The following EML4 variants were observed in gnomAD, a reference collection of about 807,000 sequenced individuals.
The protein encoded by EML4 is EMAP like 4.
Under a neutral mutation model 129.0 loss-of-function variants are expected in EML4, and 72 were observed. The observed-to-expected ratio is 0.56, with a 90% CI of 0.46 to 0.68. EML4 has a LOEUF of 0.68. EML4 is among the 30% of genes least tolerant of loss of function. The pLI is 0.00. For synonymous variants in EML4, 532 were observed against 405.0 expected (o/e 1.31, Z -3.77); for missense variants, 1,363 against 1,190.6 (o/e 1.14, Z -2.13).
intron 17 of EML4, among the ~76,000 whole-genome samples, chr2:42,307,765 A>T (rs1286116035): frequency 1.3e-5 from 2 of 152,162 alleles, no homozygotes; most frequent in African/African-American, 4.8e-5. Context: ...GCGATTCTTT[A>T]GCCTCAAGCC....
chr2:42,298,898 C>T (rs1025607676), intron 13 of EML4, among the ~76,000 whole-genome samples: 1 of 152,132 alleles, frequency 6.6e-6, no homozygotes, highest in African/African-American at 2.4e-5. Context: ...GTTAGTTTGA[C>T]CATGCACAGG....
chr2:42,179,280 A>G (rs1163171925), intron 1 of EML4, among the ~76,000 whole-genome samples: 39 of 129,342 alleles, frequency 3.0e-4, no homozygotes, highest in African/African-American at 1.1e-3. Flanking sequence ...TTTTTTTTTT[A>G]ATATTATAAA....
intron 1 of EML4, among the ~76,000 whole-genome samples, chr2:42,171,956 A>C (rs1473654787): frequency 6.6e-6 from 1 of 152,148 alleles, no homozygotes. Flanking sequence ...TGTTCTCTGC[A>C]GTTAATTAGC....
At chr2:42,258,408 TA>T (rs1278763629) in intron 3 of EML4, among the ~76,000 whole-genome samples, 19 of 151,890 alleles carry the variant, frequency 1.3e-4, no homozygotes, top group East Asian at 7.7e-4. Flanking sequence ...TATATATATA[TA>T]TATTTTTTGA....
chr2:42,281,037 G>A (rs912337933), intron 7 of EML4, 64 bp downstream of exon 7: 13 of 1,246,514 alleles, frequency 1.0e-5, no homozygotes, highest in Admixed American at 5.3e-5. Context: ...ATCAGTTAAC[G>A]TATTCTCTGT....
At position 42,245,094 on chromosome 2, in the gene EML4, CTTTTTTTT is replaced by C. The variant is rs56808218; in HGVS notation, c.26-400_26-393del. Among the ~76,000 whole-genome samples the C allele has an allele frequency of 6.0e-5, 4 of 66,562 alleles. 1 individual carries two copies. Among genetic ancestry groups the C allele is most frequent in the African/African-American group, 2.6e-4 (4 of 15,486 alleles). 43.7% of individuals were successfully genotyped at this position (66,562 alleles called of 152,430 possible). On this transcript the variant is annotated intron_variant, in intron 1 of 22. Transcript: ENST00000318522. The stretch of plus-strand genomic sequence containing the variant: ...AGTTTTTTGTTTTGAAATTTTCTTT[CTTTTTTTT>C]TTTTTTTTTTGAGACAGACTCTTGC...
intron 1 of EML4, among the ~76,000 whole-genome samples, chr2:42,178,755 C>A (rs1008979425): frequency 6.6e-6 from 1 of 152,032 alleles, no homozygotes; most frequent in Non-Finnish European, 1.5e-5. Context: ...ACATTTTTTC[C>A]CCAGGAAGCT....
At chr2:42,259,729 T>TC (rs1665596463) in intron 3 of EML4, among the ~76,000 whole-genome samples, 1 of 123,732 alleles carries the variant, frequency 8.1e-6, no homozygotes, top group African/African-American at 3.0e-5. Flanking sequence ...TTTCTTTTTT[T>TC]TTTTTTTTTT....
chr2:42,254,451 C>G (rs1286442603), intron 2 of EML4, among the ~76,000 whole-genome samples: 2 of 145,104 alleles, frequency 1.4e-5, no homozygotes, highest in Non-Finnish European at 3.0e-5. Context: ...GAGCAAGACT[C>G]TGTCTCAAAA....
intron 1 of EML4, among the ~76,000 whole-genome samples, chr2:42,196,597 G>A (rs1261355684): frequency 6.6e-6 from 1 of 152,182 alleles, no homozygotes; most frequent in Non-Finnish European, 1.5e-5. Context: ...GGCAGCTGGC[G>A]AGAAGATTAG....
At chr2:42,269,806 T>C (rs1277045481) in intron 6 of EML4, among the ~76,000 whole-genome samples, 5 of 152,206 alleles carry the variant, frequency 3.3e-5, no homozygotes, top group Admixed American at 1.3e-4. Context: ...TTGTATTATT[T>C]AGCAATTACA....
chr2:42,261,274 G>A lies in EML4; in HGVS notation c.492G>A (p.Lys164=). Reference sequence around the variant, plus strand: ...TACACAGACAAACTCCAGAAAGCAAGAATGCTACTCCCACCAAAAGGTTTT... The same window carrying A: ...TACACAGACAAACTCCAGAAAGCAAAAATGCTACTCCCACCAAAAGGTTTT... The part of the protein sequence containing the change: ...LQIHRQTPES[K]NATPTKSIKR... Residue 164 remains lysine (K), a synonymous_variant, in exon 4 of 23, where the codon AAG becomes AAA. Transcript: ENST00000318522. 6.2e-7 allele frequency: 1 copy of A among 1,613,534 alleles called. No homozygotes were observed. The highest frequency in any genetic ancestry group is 8.5e-7 in the Non-Finnish European group (1 of 1,179,678).
chr2:42,272,907 C>A (rs983187090), intron 6 of EML4, among the ~76,000 whole-genome samples: 3 of 152,124 alleles, frequency 2.0e-5, no homozygotes, highest in African/African-American at 7.2e-5. Flanking sequence ...ATTGGACAGC[C>A]TTCAAACATA....
chr2:42,258,405 A>G (rs1217849404), intron 3 of EML4, among the ~76,000 whole-genome samples: 2 of 151,536 alleles, frequency 1.3e-5, no homozygotes, highest in East Asian at 1.9e-4. Context: ...AGATATATAT[A>G]TATATATTTT....
At chr2:42,208,058 A>G (rs1023151923) in intron 1 of EML4, 2 of 152,144 alleles carry the variant, frequency 1.3e-5, no homozygotes, top group South Asian at 2.1e-4. Context: ...CACACTTTCA[A>G]TTTCACCTCT....
chr2:42,249,927 G>GA (rs1182789581), intron 2 of EML4, among the ~76,000 whole-genome samples: 2 of 152,008 alleles, frequency 1.3e-5, no homozygotes, highest in African/African-American at 4.8e-5. Context: ...CCTGCCAAAA[G>GA]AAAAAAATAT....
At chr2:42,261,471 A>T in intron 4 of EML4, 177 bp downstream of exon 4, 1 of 389,922 alleles carries the variant, frequency 2.6e-6, no homozygotes, top group Non-Finnish European at 4.5e-6. Flanking sequence ...TAAAGAATTA[A>T]GGTCACAATT....
intron 7 of EML4, 80 bp downstream of exon 7, chr2:42,281,053 TTGTCTTTATACAAA>T (rs1666977720): frequency 2.5e-6 from 3 of 1,194,086 alleles, no homozygotes; most frequent in African/African-American, 1.6e-5. Context: ...TCTGTCAAAA[TTGTCTTTATACAAA>T]AAAAAAAAGT....
At position 42,330,090 on chromosome 2, in the gene EML4, A is replaced by G. The variant is rs763368865; in HGVS notation, c.2829A>G (p.Glu943=). The change falls in exon 23 of 23, where the codon GAA becomes GAG. Residue 943 remains glutamate (E), a synonymous_variant. Transcript: ENST00000318522. The stretch of plus-strand genomic sequence containing the variant: ...AAGACCACAGCGAGGAGGAGAGTGA[A>G]GAGGGCAGCGGAGACCTTGGTGAGC... The part of the protein sequence containing the change: ...PSEDHSEEES[E]EGSGDLGEPL... 5 of 1,612,990 alleles carry G rather than the reference A, an allele frequency of 3.1e-6. 1 individual carries two copies. In the South Asian group the frequency reaches 5.5e-5, roughly 18 times the overall value.
Sources: gnomAD v4.1 joint callset for allele counts (sites outside exome capture counted in the v4.1 genomes callset) on GRCh38, gnomAD v4.1.1 for gene constraint, MANE v1.5 for transcripts, NCBI Gene and HGNC (gene_info 2026-07-23, HGNC 2026-07-21) for gene names.